Variants in PHTF2 observed in about 807,000 individuals in gnomAD.
The protein encoded by PHTF2 is putative homeodomain transcription factor 2.
PHTF2 carries 60 observed loss-of-function variants against 101.2 expected under a neutral mutation model. The observed-to-expected ratio is 0.59, with a 90% CI of 0.48 to 0.73. The LOEUF is 0.73. Among genes scored for constraint, PHTF2 ranks in the 30% least tolerant of loss-of-function variants. The probability of loss-of-function intolerance (pLI) is 0.00; values close to 1 mark genes in which losing one functional copy is unlikely to be tolerated. For missense variants in PHTF2, 747 were observed against 908.7 expected, an observed-to-expected ratio of 0.82 and a Z score of 2.29; for synonymous variants, 311 against 307.3, an observed-to-expected ratio of 1.01 and a Z score of -0.13.
intron 1 of PHTF2, among the ~76,000 whole-genome samples, chr7:77,820,046 C>T (rs1794156058): frequency 6.6e-6 from 1 of 152,112 alleles, no homozygotes; most frequent in South Asian, 2.1e-4. Context: ...TGCACCACCA[C>T]ACCCGGCTAA....
At chr7:77,854,929 G>A (rs2150642786) in intron 3 of PHTF2, 2 of 632,486 alleles carry the variant, frequency 3.2e-6, no homozygotes, top group Non-Finnish European at 5.8e-6. Flanking sequence ...CCCAAGGCCT[G>A]GAATCAAGGA....
intron 1 of PHTF2, among the ~76,000 whole-genome samples, chr7:77,827,302 T>C (rs1315504014): frequency 6.6e-6 from 1 of 152,172 alleles, no homozygotes; most frequent in African/African-American, 2.4e-5. Flanking sequence ...GTTCTTCCAG[T>C]TTTCATTTTC....
intron 17 of PHTF2, 98 bp downstream of exon 16, chr7:77,949,931 G>C (rs1208216826): frequency 1.5e-5 from 10 of 658,748 alleles, no homozygotes; most frequent in Non-Finnish European, 2.4e-5. Context: ...ATTTGATTAA[G>C]GTCATTTGTG....
intron 6 of PHTF2, among the ~76,000 whole-genome samples, chr7:77,901,356 C>T (rs1584648382): frequency 6.6e-6 from 1 of 152,244 alleles, no homozygotes; most frequent in East Asian, 1.9e-4. Flanking sequence ...GGTACAATGG[C>T]TCACACCTAT....
intron 3 of PHTF2, among the ~76,000 whole-genome samples, chr7:77,865,595 A>T (rs1429301679): frequency 6.6e-6 from 1 of 152,150 alleles, no homozygotes; most frequent in Non-Finnish European, 1.5e-5. Context: ...TCTACTGCTT[A>T]TTACAGCCTG....
At position 77,841,075 on chromosome 7, in the gene PHTF2, C is replaced by CTTTTTTTTTTTTTTTTTTTTTTTT. The variant is rs57283892; in HGVS notation, c.45+795_45+796insTTTTTTTTTTTTTTTTTTTTTTTT. Among the ~76,000 whole-genome samples, 7 of 77,264 alleles carry CTTTTTTTTTTTTTTTTTTTTTTTT rather than the reference C, an allele frequency of 9.1e-5. 3 individuals are homozygous for CTTTTTTTTTTTTTTTTTTTTTTTT. Among genetic ancestry groups the CTTTTTTTTTTTTTTTTTTTTTTTT allele is most frequent in the African/African-American group, 4.0e-4 (6 of 14,900 alleles). The allele number at this position is 77,264 out of a possible 152,430, so 50.7% of individuals were successfully genotyped here. On this transcript the variant is annotated intron_variant, in intron 2 of 19. Transcript: ENST00000416283. ...TTTCTTATATAGGAGAAAAAACAGA[C>CTTTTTTTTTTTTTTTTTTTTTTTT]TTTTTTTTTTTTTTTTTTTTGAGAT... is the stretch of plus-strand genomic sequence containing the variant.
intron 12 of PHTF2, among the ~76,000 whole-genome samples, chr7:77,932,431 A>T (rs1562961889): frequency 6.6e-6 from 1 of 152,226 alleles, no homozygotes; most frequent in Non-Finnish European, 1.5e-5. Flanking sequence ...TTATTGCCTG[A>T]TGATCTTTTT....
chr7:77,897,208 A>G (rs542009010), intron 5 of PHTF2, among the ~76,000 whole-genome samples: 1 of 151,856 alleles, frequency 6.6e-6, no homozygotes, highest in East Asian at 1.9e-4. Context: ...CTGTTTATGT[A>G]CTTTGATGGA....
exon 17 of PHTF2, chr7:77,949,809 T>C: frequency 6.6e-7 from 1 of 1,521,158 alleles, no homozygotes; most frequent in Non-Finnish European, 9.0e-7. Flanking sequence ...AATATAGTAA[T>C]ACCTCAATAT....
In PHTF2 at chr7:77,852,897, T is replaced by C. The variant is rs865850754; in HGVS notation, c.46-1836T>C. Among the ~76,000 whole-genome samples, 5 of 152,338 alleles carry C rather than the reference T, an allele frequency of 3.3e-5. No individual in the cohort carries two copies. In the South Asian group the frequency reaches 1.0e-3, roughly 32 times the overall value. ...TTTTTCCGTCAGCACTTTAAATATGTCATGCCACTCTCTCCTGGCCTGTAA... is the reference window on the plus strand; with the variant it reads ...TTTTTCCGTCAGCACTTTAAATATGCCATGCCACTCTCTCCTGGCCTGTAA... On this transcript the variant is annotated intron_variant, in intron 2 of 19. Transcript: ENST00000416283.
rs1427710966 is a variant in PHTF2 at position 77,859,542 on chromosome 7, G to A, written c.147+4708G>A. On this transcript the variant is annotated intron_variant, in intron 3 of 19. Coordinates refer to ENST00000416283, the Ensembl canonical transcript of PHTF2. The stretch of plus-strand genomic sequence containing the variant: ...AGATACCTTGCAAAACAGGAAGTGA[G>A]AATTTCTTTTCTTTCTTTCTTCTTT... Among the ~76,000 whole-genome samples, 4 of 149,532 alleles carry A rather than the reference G, an allele frequency of 2.7e-5. No homozygotes were observed. In the Admixed American group the frequency reaches 2.7e-4, roughly 10 times the overall value.
chr7:77,835,395 G>A (rs1470292064), intron 1 of PHTF2, among the ~76,000 whole-genome samples: 2 of 152,058 alleles, frequency 1.3e-5, no homozygotes, highest in Admixed American at 6.6e-5. Context: ...AATAACACAC[G>A]CAAAGTGTCA....
At chr7:77,954,646 A>AT (rs567176874) in intron 19 of PHTF2, among the ~76,000 whole-genome samples, 1 of 142,946 alleles carries the variant, frequency 7.0e-6, no homozygotes, top group African/African-American at 2.5e-5. Context: ...ATATATATAT[A>AT]GCCACTTCTC....
chr7:77,882,083 A>G (rs909127701), intron 3 of PHTF2, among the ~76,000 whole-genome samples: 1 of 152,192 alleles, frequency 6.6e-6, no homozygotes, highest in Non-Finnish European at 1.5e-5. Flanking sequence ...ATTTGATGAT[A>G]GGTATGTGGT....
chr7:77,861,415 T>A lies in PHTF2; in HGVS notation c.147+6581T>A, dbSNP rs140985859. On this transcript the variant is annotated intron_variant, in intron 3 of 19. Coordinates refer to ENST00000416283, the Ensembl canonical transcript of PHTF2. ...TCCTACGTGGTGAATTTTCTGGGTA[T>A]TTTTTTTTAAATGATCAAATTTTCT... Among the ~76,000 whole-genome samples the A allele has an allele frequency of 5.0e-3, 753 of 151,514 alleles. 10 individuals are homozygous for A. The highest frequency in any genetic ancestry group is 0.017 in the African/African-American group (699 of 41,370).
intron 3 of PHTF2, among the ~76,000 whole-genome samples, chr7:77,861,590 A>T (rs192061011): frequency 4.7e-4 from 72 of 152,274 alleles, no homozygotes; most frequent in Middle Eastern, 3.4e-3. Context: ...TTCTCAGTTT[A>T]GCCTTATCTT....
chr7:77,828,536 C>T (rs180769646), intron 1 of PHTF2, among the ~76,000 whole-genome samples: 10 of 152,198 alleles, frequency 6.6e-5, no homozygotes, highest in East Asian at 3.9e-4. Flanking sequence ...CTAGGCTGGG[C>T]GCAGTGGCTT....
intron 1 of PHTF2, among the ~76,000 whole-genome samples, chr7:77,822,284 G>T (rs982393809): frequency 6.6e-6 from 1 of 152,122 alleles, no homozygotes; most frequent in African/African-American, 2.4e-5. Context: ...GCATAGTTGG[G>T]GTTGTGGTTT....
intron 1 of PHTF2, among the ~76,000 whole-genome samples, chr7:77,805,315 C>T (rs931118099): frequency 2.0e-5 from 3 of 152,114 alleles, no homozygotes; most frequent in Non-Finnish European, 4.4e-5. Context: ...CTCCTATTCT[C>T]CTGGCTAGAG....
Sources: allele counts gnomAD v4.1 joint callset (sites outside exome capture counted in the v4.1 genomes callset), GRCh38; gene constraint gnomAD v4.1.1; transcripts MANE v1.5; gene names NCBI Gene and HGNC (gene_info 2026-07-23, HGNC 2026-07-21).